The following SAMMSON variants were observed in gnomAD, a reference collection of about 807,000 sequenced individuals.
SAMMSON encodes long intergenic non-protein coding RNA 1212.
At chr3:70,046,965 C>T (rs2107588152) in intron 3 of SAMMSON, among the ~76,000 whole-genome samples, 1 of 152,158 alleles carries the variant, frequency 6.6e-6, no homozygotes, top group East Asian at 1.9e-4. Flanking sequence ...CTGGGCCCAC[C>T]CAGGTAATCC....
At chr3:70,347,634 G>A (rs1702761447) in intron 7 of SAMMSON, among the ~76,000 whole-genome samples, 1 of 152,108 alleles carries the variant, frequency 6.6e-6, no homozygotes, top group South Asian at 2.1e-4. Context: ...TATTGTTCTA[G>A]GTACTTGGAT....
chr3:70,158,340 CAT>C (rs1443683414), intron 4 of SAMMSON, among the ~76,000 whole-genome samples: 1 of 152,068 alleles, frequency 6.6e-6, no homozygotes, highest in Non-Finnish European at 1.5e-5. Context: ...TTTCACTGAG[CAT>C]AATGTTTTTG....
chr3:70,324,933 A>AC (rs1702568102), intron 7 of SAMMSON, among the ~76,000 whole-genome samples: 1 of 151,734 alleles, frequency 6.6e-6, no homozygotes. Flanking sequence ...AAAAAAAAAA[A>AC]AGAAGTGATA....
chr3:70,401,583 A>G (rs555339475), intron 2 of SAMMSON, among the ~76,000 whole-genome samples: 2 of 149,580 alleles, frequency 1.3e-5, no homozygotes, highest in East Asian at 3.9e-4. Flanking sequence ...TTCCAATACT[A>G]CTTTTTCCAT....
chr3:70,104,564 C>T (rs1255765213), intron 4 of SAMMSON, among the ~76,000 whole-genome samples: 1 of 152,068 alleles, frequency 6.6e-6, no homozygotes, highest in Non-Finnish European at 1.5e-5. Flanking sequence ...GCGAACACCC[C>T]CAAGGGAAAA....
rs149224786 is a variant in SAMMSON, at chr3:70,305,129, C to T, written n.739+13886C>T. On this transcript the variant is annotated intron_variant and non_coding_transcript_variant, in intron 7 of 9. Transcript: ENST00000642114. ...CAATCTCTATCACAACATCTTGTTT[C>T]AAAGCTTCGAAACAATTACCCTTGT... is the stretch of plus-strand genomic sequence containing the variant. Among the ~76,000 whole-genome samples, 10 of 152,258 alleles carry T rather than the reference C, an allele frequency of 6.6e-5. No homozygotes were observed. The East Asian group carries it at 1.4e-3, about 21-fold the overall frequency.
At chr3:70,255,473 A>G (rs1236291454) in intron 6 of SAMMSON, among the ~76,000 whole-genome samples, 1 of 152,118 alleles carries the variant, frequency 6.6e-6, no homozygotes, top group Non-Finnish European at 1.5e-5. Context: ...TCTGTTGCCC[A>G]GGCAGTGGTA....
chr3:70,374,606 T>A (rs1411303828), intron 9 of SAMMSON, among the ~76,000 whole-genome samples: 1 of 152,050 alleles, frequency 6.6e-6, no homozygotes, highest in African/African-American at 2.4e-5. Context: ...AGGTGTCTAG[T>A]TACTGATCTC....
intron 4 of SAMMSON, among the ~76,000 whole-genome samples, chr3:70,135,487 G>C (rs940389930): frequency 6.6e-6 from 1 of 152,114 alleles, no homozygotes; most frequent in Admixed American, 6.6e-5. Flanking sequence ...AGGCAACTTA[G>C]AGAGCAGAAA....
At chr3:70,117,110 G>C (rs867311435) in intron 4 of SAMMSON, among the ~76,000 whole-genome samples, 1 of 152,150 alleles carries the variant, frequency 6.6e-6, no homozygotes, top group African/African-American at 2.4e-5. Context: ...TAAAATGATG[G>C]TGTACACCCT....
At chr3:70,308,734 G>A (rs964812903) in intron 7 of SAMMSON, among the ~76,000 whole-genome samples, 1 of 152,116 alleles carries the variant, frequency 6.6e-6, no homozygotes, top group Non-Finnish European at 1.5e-5. Context: ...TAATAACACT[G>A]AATTGAGTTG....
chr3:70,158,526 A>T (rs1169550955), intron 4 of SAMMSON, among the ~76,000 whole-genome samples: 1 of 151,936 alleles, frequency 6.6e-6, no homozygotes, highest in Non-Finnish European at 1.5e-5. Flanking sequence ...TTCATGTTCA[A>T]GTCTTTGGGT....
intron 7 of SAMMSON, among the ~76,000 whole-genome samples, chr3:70,335,358 T>C (rs1368776959): frequency 6.6e-6 from 1 of 152,072 alleles, no homozygotes. Flanking sequence ...GGGTTTGTTA[T>C]GTTAAGCAGA....
intron 4 of SAMMSON, among the ~76,000 whole-genome samples, chr3:70,103,618 T>C (rs1477670023): frequency 6.6e-6 from 1 of 152,182 alleles, no homozygotes; most frequent in Non-Finnish European, 1.5e-5. Flanking sequence ...TGAATTCTCC[T>C]GGGAGCAGGA....
chr3:70,110,922 A>G (rs2067385576), intron 4 of SAMMSON, among the ~76,000 whole-genome samples: 1 of 152,134 alleles, frequency 6.6e-6, no homozygotes, highest in Admixed American at 6.5e-5. Flanking sequence ...ACCAGGGAGA[A>G]ATGTTTCTCT....
chr3:70,328,214 G>C (rs993498013), intron 7 of SAMMSON, among the ~76,000 whole-genome samples: 1 of 152,128 alleles, frequency 6.6e-6, no homozygotes, highest in African/African-American at 2.4e-5. Flanking sequence ...GGAATTATGG[G>C]AGCTACAATT....
At chr3:70,220,286 C>G (rs1701450230) in intron 4 of SAMMSON, among the ~76,000 whole-genome samples, 1 of 151,964 alleles carries the variant, frequency 6.6e-6, no homozygotes, top group South Asian at 2.1e-4. Context: ...TTTCTTGAGG[C>G]TAGGCTCAGT....
intron 4 of SAMMSON, among the ~76,000 whole-genome samples, chr3:70,087,570 G>T (rs774121266): frequency 1.3e-5 from 2 of 152,148 alleles, no homozygotes; most frequent in Non-Finnish European, 2.9e-5. Context: ...GTATAGCCAC[G>T]CATGTTCTCA....
chr3:70,349,747 G>C (rs1182430745), intron 7 of SAMMSON, among the ~76,000 whole-genome samples: 1 of 152,244 alleles, frequency 6.6e-6, no homozygotes, highest in South Asian at 2.1e-4. Context: ...GGCAGGGGTA[G>C]GTACAGTACT....
Sources: allele counts gnomAD v4.1 joint callset (sites outside exome capture counted in the v4.1 genomes callset), GRCh38; gene constraint gnomAD v4.1.1; transcripts MANE v1.5; gene names NCBI Gene and HGNC (gene_info 2026-07-23, HGNC 2026-07-21).